CLNK: variants seen among roughly 807,000 people sequenced by gnomAD.
CLNK encodes cytokine dependent hematopoietic cell linker, also known as cytokine-dependent hematopoietic cell linker.
A neutral mutation model predicts 68.6 loss-of-function variants in CLNK; 74 were observed. The ratio of observed to expected loss-of-function variants is 1.08; its 90% confidence interval spans 0.89 to 1.31. CLNK has a LOEUF of 1.31. Among genes scored for constraint, CLNK ranks in the 50% most tolerant of loss-of-function variants. The pLI, the probability that CLNK is intolerant of heterozygous loss-of-function variation, is 0.00. For synonymous variants in CLNK, 198 were observed against 172.2 expected, an observed-to-expected ratio of 1.15 and a Z score of -1.17; for missense variants, 553 against 515.3, an observed-to-expected ratio of 1.07 and a Z score of -0.71.
At chr4:10,672,877 G>GA (rs1431511711) in intron 1 of CLNK, among the ~76,000 whole-genome samples, 5 of 152,246 alleles carry the variant, frequency 3.3e-5, no homozygotes, top group Non-Finnish European at 7.4e-5. Flanking sequence ...CATTCTTATG[G>GA]AAAGCACCAA....
chr4:10,577,480 A>G (rs1577141770), intron 4 of CLNK, among the ~76,000 whole-genome samples: 1 of 152,194 alleles, frequency 6.6e-6, no homozygotes, highest in East Asian at 1.9e-4. Flanking sequence ...TCGGAGCTAC[A>G]TGTCTTCCTT....
rs1577214683 is a variant in CLNK at position 10,676,893 on chromosome 4, G to A, written c.-43+7775C>T. Among the ~76,000 whole-genome samples, 5 of 151,512 alleles carry A rather than the reference G, an allele frequency of 3.3e-5. No homozygotes were observed. The South Asian group carries it at 1.0e-3, about 32-fold the overall frequency. On this transcript the variant is annotated intron_variant, in intron 1 of 18. Transcript: ENST00000226951. ...GATTTTTACTGTTCACGTAAAGTGA[G>A]ATTGTAGAAAAATAGTCTCCAAGTT... is the stretch of plus-strand genomic sequence containing the variant.
chr4:10,534,999 T>C (rs1047073813), intron 11 of CLNK, among the ~76,000 whole-genome samples: 14 of 152,146 alleles, frequency 9.2e-5, no homozygotes, highest in Non-Finnish European at 1.8e-4. Context: ...CATCAGAGCA[T>C]ACATTTTTGC....
rs17383033 is a variant in CLNK, at chr4:10,571,786, C to A, written c.113-8G>T. 0.14 allele frequency: 227,063 copies of A among 1,607,554 alleles called. 17,416 individuals are homozygous for A. The highest frequency in any genetic ancestry group is 0.26 in the African/African-American group (19,626 of 74,820). On this transcript the variant is annotated splice_polypyrimidine_tract_variant and splice_region_variant and intron_variant, in intron 4 of 18. Coordinates refer to ENST00000226951, the MANE Select transcript of CLNK (RefSeq NM_052964.4). ...TCATCCTCTGGTACTGGCCTGCCAACACAAACAGACCGAGTGTTATTTTAA... is the reference window on the plus strand; with the variant it reads ...TCATCCTCTGGTACTGGCCTGCCAAAACAAACAGACCGAGTGTTATTTTAA...
intron 4 of CLNK, among the ~76,000 whole-genome samples, chr4:10,581,980 C>G (rs942103564): frequency 2.0e-5 from 3 of 152,110 alleles, no homozygotes; most frequent in African/African-American, 7.2e-5. Flanking sequence ...CTGGCCTTAC[C>G]ATATGCCTGC....
chr4:10,626,732 T>C (rs1335890510), intron 2 of CLNK, among the ~76,000 whole-genome samples: 1 of 152,242 alleles, frequency 6.6e-6, no homozygotes, highest in African/African-American at 2.4e-5. Flanking sequence ...GATGACTGCA[T>C]TACAGTTTGT....
chr4:10,575,135 C>T (rs1420364706), intron 4 of CLNK, among the ~76,000 whole-genome samples: 3 of 152,186 alleles, frequency 2.0e-5, no homozygotes, highest in African/African-American at 7.2e-5. Context: ...TGAGCCCAGT[C>T]TCTCCCGTAC....
At chr4:10,673,364 C>G (rs1009845978) in intron 1 of CLNK, among the ~76,000 whole-genome samples, 3 of 152,198 alleles carry the variant, frequency 2.0e-5, no homozygotes, top group Admixed American at 2.0e-4. Flanking sequence ...CCCCAACTCC[C>G]CTTCTCTTGC....
intron 18 of CLNK, among the ~76,000 whole-genome samples, chr4:10,492,566 T>G (rs1716625909): frequency 1.3e-5 from 2 of 152,200 alleles, no homozygotes; most frequent in African/African-American, 4.8e-5. Flanking sequence ...GCTTAAGAAC[T>G]TCACCAGGTC....
intron 2 of CLNK, among the ~76,000 whole-genome samples, chr4:10,647,295 T>A (rs945508711): frequency 2.6e-5 from 4 of 152,180 alleles, no homozygotes; most frequent in African/African-American, 9.7e-5. Flanking sequence ...TATCACAGAA[T>A]CTCAGGCTTG....
chr4:10,593,060 A>G (rs1302871496), intron 3 of CLNK, among the ~76,000 whole-genome samples: 51 of 152,146 alleles, frequency 3.4e-4, no homozygotes, highest in Admixed American at 3.3e-3. Flanking sequence ...CTTTGAGGAC[A>G]ACTCCCAGAA....
intron 12 of CLNK, among the ~76,000 whole-genome samples, chr4:10,530,825 G>A (rs1718504683): frequency 6.6e-6 from 1 of 152,320 alleles, no homozygotes; most frequent in South Asian, 2.1e-4. Context: ...CCCAGCAGCT[G>A]AGCATCACCC....
chr4:10,636,757 A>G (rs1009487995), intron 2 of CLNK, among the ~76,000 whole-genome samples: 5 of 152,170 alleles, frequency 3.3e-5, no homozygotes, highest in African/African-American at 7.2e-5. Flanking sequence ...CTTGATTGCA[A>G]CTGAATTTGG....
intron 2 of CLNK, among the ~76,000 whole-genome samples, chr4:10,640,392 C>T (rs28643387): frequency 0.33 from 49,792 of 152,144 alleles, 9,392 homozygotes; most frequent in African/African-American, 0.52. Flanking sequence ...TCTCGAACTC[C>T]TGACCTCAGG....
chr4:10,601,608 G>A lies in CLNK; in HGVS notation c.12-3559C>T, dbSNP rs1002937188. Among the ~76,000 whole-genome samples the A allele has an allele frequency of 2.0e-5, 3 of 152,130 alleles. No individual in the cohort carries two copies. In the East Asian group the frequency reaches 5.8e-4, roughly 29 times the overall value. On this transcript the variant is annotated intron_variant, in intron 2 of 18. Transcript: ENST00000226951. ...ATGTTAAGCATAATAGGGCAAAATTGTTTGTTTTGCATTGAATTGAGATCT... is the reference window on the plus strand; with the variant it reads ...ATGTTAAGCATAATAGGGCAAAATTATTTGTTTTGCATTGAATTGAGATCT...
chr4:10,542,013 G>A lies in CLNK; in HGVS notation c.491+9C>T, dbSNP rs776225087. On this transcript the variant is annotated intron_variant, in intron 10 of 18. Transcript: ENST00000226951. ...TAGCGAAAAAAAATGCTATTTTAAA[G>A]TGTTTTACCGAGGAGGTGGTAAAGG... is the stretch of plus-strand genomic sequence containing the variant. The A allele has an allele frequency of 1.3e-6, 2 of 1,571,854 alleles. No homozygotes were observed. Among genetic ancestry groups the A allele is most frequent in the East Asian group, 2.3e-5 (1 of 44,318 alleles).
At chr4:10,561,146 C>T (rs547518456) in intron 7 of CLNK, among the ~76,000 whole-genome samples, 20 of 152,186 alleles carry the variant, frequency 1.3e-4, no homozygotes, top group African/African-American at 4.6e-4. Context: ...AGCAATTCAC[C>T]TACCTCGGCC....
the CLNK span, among the ~76,000 whole-genome samples, chr4:10,714,041 C>T: frequency 1.3e-5 from 2 of 152,150 alleles, no homozygotes; most frequent in African/African-American, 2.4e-5. Context: ...GCTTTCTTTC[C>T]ATGTTACAAG....
At chr4:10,720,155 A>T in the CLNK span, among the ~76,000 whole-genome samples, 1 of 152,206 alleles carries the variant, frequency 6.6e-6, no homozygotes, top group Non-Finnish European at 1.5e-5. Context: ...CTAGAAAAAA[A>T]TAGCAAAATA....
Sources: gnomAD v4.1 joint callset for allele counts (sites outside exome capture counted in the v4.1 genomes callset) on GRCh38, gnomAD v4.1.1 for gene constraint, MANE v1.5 for transcripts, NCBI Gene and HGNC (gene_info 2026-07-23, HGNC 2026-07-21) for gene names.